Variants in DPP6 observed in about 807,000 individuals in gnomAD.
The protein encoded by DPP6 is A-type potassium channel modulatory protein DPP6.
A neutral mutation model predicts 122.6 loss-of-function variants in DPP6; 69 were observed. That is an observed-to-expected ratio of 0.56 (90% CI 0.46 to 0.69). The LOEUF is 0.69. Ranked by LOEUF, DPP6 falls within the 30% of genes least tolerant of loss-of-function variation. The pLI, the probability that DPP6 is intolerant of heterozygous loss-of-function variation, is 0.00. For synonymous variants in DPP6, 418 were observed against 433.1 expected (o/e 0.97, Z 0.43); for missense variants, 928 against 1,116.9 (o/e 0.83, Z 2.41).
chr7:154,654,948 C>T (rs1220138324), intron 6 of DPP6, among the ~76,000 whole-genome samples: 8 of 152,254 alleles, frequency 5.3e-5, no homozygotes, highest in Middle Eastern at 3.4e-3. Context: ...CCTAGCCACT[C>T]AGTGACTGGA....
At chr7:154,742,796 C>T (rs1020853606) in intron 8 of DPP6, among the ~76,000 whole-genome samples, 3 of 152,190 alleles carry the variant, frequency 2.0e-5, no homozygotes, top group Non-Finnish European at 4.4e-5. Context: ...AGTCAGGGAA[C>T]GGTGGCCTCT....
intron 1 of DPP6, among the ~76,000 whole-genome samples, chr7:154,255,499 G>A (rs975852141): frequency 1.2e-4 from 18 of 152,146 alleles, no homozygotes; most frequent in Non-Finnish European, 2.1e-4. Flanking sequence ...ATTCTGCGGT[G>A]CGGGAATGGC....
In DPP6 at chr7:154,618,123, G is replaced by A. The variant is rs137892151; in HGVS notation, c.628-19698G>A. ...TGCATTCTCGCTCTTTCCCCCATAA[G>A]GCTATTAAAGTTGCTGCTGGAAGGT... On this transcript the variant is annotated intron_variant, in intron 5 of 25. Transcript: ENST00000377770. This position sits in a 1 kb window ranked among gnomAD's most constrained non-coding sequence, Gnocchi z 4.1. 1.3e-5 allele frequency among the ~76,000 whole-genome samples: 2 copies of A among 152,256 alleles called. No homozygotes were observed. The highest frequency in any genetic ancestry group is 2.4e-5 in the African/African-American group (1 of 41,560).
chr7:154,879,583 C>T (rs1215459728), intron 20 of DPP6, among the ~76,000 whole-genome samples: 14 of 132,136 alleles, frequency 1.1e-4, no homozygotes, highest in South Asian at 2.5e-4. Flanking sequence ...AGCGAGACTC[C>T]GTCTCAAAAA....
At chr7:154,251,637 C>T (rs1802356044) in intron 1 of DPP6, among the ~76,000 whole-genome samples, 1 of 152,242 alleles carries the variant, frequency 6.6e-6, no homozygotes, top group African/African-American at 2.4e-5. Flanking sequence ...GTGCAGCCTT[C>T]AGTCTGTGGC....
intron 1 of DPP6, among the ~76,000 whole-genome samples, chr7:154,074,915 A>G (rs1803446413): frequency 6.6e-6 from 1 of 151,444 alleles, no homozygotes; most frequent in Admixed American, 6.6e-5. Flanking sequence ...CTGACACAGT[A>G]CTACTATCCA....
At chr7:154,080,140 A>AG (rs775148458) in intron 1 of DPP6, among the ~76,000 whole-genome samples, 76 of 152,170 alleles carry the variant, frequency 5.0e-4, no homozygotes, top group Non-Finnish European at 6.3e-4. Context: ...TGCATGGAGA[A>AG]GGAGTACAAG....
intron 1 of DPP6, among the ~76,000 whole-genome samples, chr7:154,338,869 G>T (rs965455678): frequency 1.3e-5 from 2 of 152,150 alleles, no homozygotes; most frequent in African/African-American, 4.8e-5. Context: ...GAACCCCCCT[G>T]CATGGCGGCG....
the DPP6 span, among the ~76,000 whole-genome samples, chr7:153,848,648 A>G: frequency 2.6e-5 from 4 of 152,324 alleles, no homozygotes; most frequent in African/African-American, 9.6e-5. Flanking sequence ...AAAATTTCCC[A>G]GAGATTATAA....
intron 1 of DPP6, among the ~76,000 whole-genome samples, chr7:154,376,342 T>C (rs575424194): frequency 6.6e-6 from 1 of 152,228 alleles, no homozygotes; most frequent in Non-Finnish European, 1.5e-5. Flanking sequence ...TAATTCATTA[T>C]ACAAGGCAGC....
intron 16 of DPP6, among the ~76,000 whole-genome samples, chr7:154,836,980 TACAGGAGTGAG>T (rs1801100033): frequency 6.6e-6 from 1 of 152,236 alleles, no homozygotes; most frequent in South Asian, 2.1e-4. Context: ...GTGCTGGGAT[TACAGGAGTGAG>T]CCACTGCACC....
the DPP6 span, among the ~76,000 whole-genome samples, chr7:153,867,729 G>A: frequency 0.21 from 30,171 of 142,782 alleles, 3,113 homozygotes; most frequent in African/African-American, 0.28. Flanking sequence ...GTCTTGTGCC[G>A]GTTTTCAAAG....
At chr7:154,346,062 C>T (rs1229274865) in intron 1 of DPP6, among the ~76,000 whole-genome samples, 1 of 152,172 alleles carries the variant, frequency 6.6e-6, no homozygotes, top group Admixed American at 6.5e-5. Context: ...GCCTTCCTCC[C>T]CACTTTCCAA....
chr7:154,394,199 C>A (rs1055088341), intron 1 of DPP6, among the ~76,000 whole-genome samples: 2 of 152,174 alleles, frequency 1.3e-5, no homozygotes, highest in Non-Finnish European at 2.9e-5. Context: ...GTTTTACACT[C>A]TCACCAACAG....
intron 1 of DPP6, among the ~76,000 whole-genome samples, chr7:154,254,930 A>T (rs886851043): frequency 1.3e-5 from 2 of 152,186 alleles, no homozygotes; most frequent in African/African-American, 4.8e-5. Context: ...AGGGAAAAGG[A>T]AACGCAAATT....
At chr7:154,819,959 T>G (rs1253675210) in intron 16 of DPP6, among the ~76,000 whole-genome samples, 1 of 152,196 alleles carries the variant, frequency 6.6e-6, no homozygotes, top group East Asian at 1.9e-4. Context: ...AAAGGAGACT[T>G]GGCCAGGGAG....
chr7:154,150,371 G>A (rs988210161), intron 1 of DPP6, among the ~76,000 whole-genome samples: 1 of 152,148 alleles, frequency 6.6e-6, no homozygotes. Flanking sequence ...GAGCACAGGG[G>A]TACTCGCCTG....
chr7:153,939,220 G>A (rs1006999712), intron 1 of DPP6, among the ~76,000 whole-genome samples: 22 of 152,244 alleles, frequency 1.4e-4, no homozygotes, highest in African/African-American at 4.8e-4. Context: ...GTACAAATTC[G>A]TTATTATCAG....
At chr7:154,261,539 G>T (rs1803017052) in intron 1 of DPP6, among the ~76,000 whole-genome samples, 1 of 152,100 alleles carries the variant, frequency 6.6e-6, no homozygotes, top group African/African-American at 2.4e-5. Context: ...ATTAATAGCT[G>T]GGACTTAATT....
Sources: gnomAD v4.1 joint callset for allele counts (sites outside exome capture counted in the v4.1 genomes callset) on GRCh38, gnomAD v4.1.1 for gene constraint, Gnocchi (gnomAD v3.1) non-coding constraint, MANE v1.5 for transcripts, NCBI Gene and HGNC (gene_info 2026-07-23, HGNC 2026-07-21) for gene names.